PSKH2: variants seen among roughly 807,000 people sequenced by gnomAD.
PSKH2 encodes protein serine kinase H2, also known as serine/threonine-protein kinase H2.
A neutral mutation model predicts 22.5 loss-of-function variants in PSKH2; 16 were observed. The ratio of observed to expected loss-of-function variants is 0.71; its 90% CI spans 0.48 to 1.08. PSKH2 has a LOEUF of 1.08. Among genes scored for constraint, PSKH2 ranks in the 50% least tolerant of loss-of-function variants. The pLI is 0.00. For missense variants in PSKH2, 516 were observed against 492.8 expected (o/e 1.05, Z -0.44); for synonymous variants, 188 against 184.8 (o/e 1.02, Z -0.14).
chr8:86,048,401 G>T lies in PSKH2; in HGVS notation c.*61C>A. 3.2e-6 allele frequency: 4 copies of T among 1,238,368 alleles called. No homozygotes were observed. The highest frequency in any genetic ancestry group is 1.5e-5 in the African/African-American group (1 of 66,990). 76.7% of individuals were successfully genotyped at this position (1,238,368 alleles called of 1,614,324 possible). A position where few individuals can be genotyped will look rare whatever the true frequency, so the allele number is the denominator to read the frequency against. On this transcript the variant is annotated 3_prime_UTR_variant, in exon 3 of 3. Coordinates refer to ENST00000276616, the MANE Select transcript of PSKH2 (RefSeq NM_033126.3). ...AGTCCCGTGTCTTTGGAGCTTGAGG[G>T]TGCCCTAATCATGATGAAATGGTCC...
Position 86,069,484 on chromosome 8 carries a change from G to C in PSKH2, c.139C>G (p.Gln47Glu), listed in dbSNP as rs1817913014. The change falls in exon 1 of 3, where the codon CAG becomes GAG. Residue 47 changes from glutamine to glutamate, a missense_variant. By Grantham distance (29) the Gln-to-Glu change is conservative. Coordinates refer to ENST00000276616, the MANE Select transcript of PSKH2 (RefSeq NM_033126.3). ...AACTTGGCTCGGAAGCGAGCCACCTGTATCCTCTGCGCCGCCTGGGCCGCC... is the reference window on the plus strand; with the variant it reads ...AACTTGGCTCGGAAGCGAGCCACCTCTATCCTCTGCGCCGCCTGGGCCGCC... ...EAAAQAAQRI[Q>E]VARFRAKFDP... The C allele has an allele frequency of 6.2e-7, 1 of 1,608,910 alleles. No homozygotes were observed. Among genetic ancestry groups the C allele is most frequent in the Non-Finnish European group, 8.5e-7 (1 of 1,178,546 alleles).
At chr8:86,065,811 A>G (rs1817848426) in intron 1 of PSKH2, among the ~76,000 whole-genome samples, 1 of 151,992 alleles carries the variant, frequency 6.6e-6, no homozygotes, top group Non-Finnish European at 1.5e-5. Context: ...CTTCTCTATA[A>G]CAAATTTAAA....
intron 2 of PSKH2, among the ~76,000 whole-genome samples, chr8:86,050,852 C>A (rs1056070660): frequency 6.6e-6 from 1 of 152,146 alleles, no homozygotes; most frequent in East Asian, 1.9e-4. Context: ...CATACATAGA[C>A]ATCACATTCT....
chr8:86,067,894 TAA>T (rs1256482922), intron 1 of PSKH2, among the ~76,000 whole-genome samples: 7 of 152,208 alleles, frequency 4.6e-5, no homozygotes, highest in Non-Finnish European at 1.5e-5. Context: ...ACTCATTGGT[TAA>T]AGATGAGCCT....
At position 86,047,445 on chromosome 8, in the gene PSKH2, A is replaced by G. The variant is rs1250587211; in HGVS notation, c.*1017T>C. On this transcript the variant is annotated 3_prime_UTR_variant, in exon 3 of 3. Coordinates refer to ENST00000276616, the MANE Select transcript of PSKH2 (RefSeq NM_033126.3). ...AAATGAAAAAATTGAGACTGATTTT[A>G]AAGTTACAGTAAATGTCATTCTAAC... Among the ~76,000 whole-genome samples the G allele has an allele frequency of 6.6e-6, 1 of 152,178 alleles. No homozygotes were observed. The highest frequency in any genetic ancestry group is 2.4e-5 in the African/African-American group (1 of 41,474).
intron 2 of PSKH2, among the ~76,000 whole-genome samples, chr8:86,058,634 A>C (rs2130157135): frequency 1.3e-5 from 2 of 152,358 alleles, no homozygotes; most frequent in Middle Eastern, 3.4e-3. Context: ...AACCTATAGC[A>C]ACCAGATTAA....
intron 2 of PSKH2, among the ~76,000 whole-genome samples, chr8:86,049,190 G>A (rs142436779): frequency 6.6e-6 from 1 of 152,226 alleles, no homozygotes; most frequent in African/African-American, 2.4e-5. Context: ...GAGTTCCTGT[G>A]ACTTCAAGAA....
chr8:86,055,176 A>T (rs1291714670), intron 2 of PSKH2, among the ~76,000 whole-genome samples: 1 of 152,210 alleles, frequency 6.6e-6, no homozygotes, highest in Non-Finnish European at 1.5e-5. Flanking sequence ...ATATTAAGTC[A>T]GTTTCTGGAA....
At chr8:86,067,132 G>A (rs767723871) in intron 1 of PSKH2, among the ~76,000 whole-genome samples, 1 of 152,098 alleles carries the variant, frequency 6.6e-6, no homozygotes, top group African/African-American at 2.4e-5. Context: ...ATTCAATACT[G>A]TTAAGGGGGC....
chr8:86,051,777 C>T (rs575824604), intron 2 of PSKH2, among the ~76,000 whole-genome samples: 15 of 152,136 alleles, frequency 9.9e-5, no homozygotes, highest in Non-Finnish European at 2.1e-4. Context: ...TTATGGAGAG[C>T]TTATTAAGAT....
At position 86,048,859 on chromosome 8, in the gene PSKH2, T is replaced by C. The variant is rs1817570721; in HGVS notation, c.853-92A>G. 7 of 1,172,084 alleles carry C rather than the reference T, an allele frequency of 6.0e-6. No individual in the cohort carries two copies. In the South Asian group the frequency reaches 1.2e-4, roughly 21 times the overall value. 72.6% of individuals were successfully genotyped at this position (1,172,084 alleles called of 1,614,324 possible). On this transcript the variant is annotated intron_variant, in intron 2 of 2. Coordinates refer to ENST00000276616, the MANE Select transcript of PSKH2 (RefSeq NM_033126.3). ...TCCTATTCTTAATTACATAGATCAA[T>C]GCCAATCGAATCCAAAAAACTTTTT...
rs1586065538 is a variant in PSKH2 at position 86,064,381 on chromosome 8, A to C, written c.436T>G (p.Phe146Val). The C allele has an allele frequency of 6.2e-7, 1 of 1,614,168 alleles. No individual in the cohort carries two copies. The highest frequency in any genetic ancestry group is 2.2e-5 in the East Asian group (1 of 44,882). ...VMELATGGEL[F>V]DRLIAQGSFT... ...GATCCCTGAGCAATGAGTCGATCAA[A>C]GAGCTCCCCTCCGGTAGCCAGCTCC... Residue 146 changes from phenylalanine to valine, a missense_variant, in exon 2 of 3, where the codon TTT becomes GTT. Coordinates refer to ENST00000276616, the MANE Select transcript of PSKH2 (RefSeq NM_033126.3).
intron 2 of PSKH2, among the ~76,000 whole-genome samples, chr8:86,061,472 G>C (rs1396498453): frequency 4.6e-5 from 7 of 151,934 alleles, no homozygotes; most frequent in African/African-American, 1.7e-4. Flanking sequence ...ATCATGGCTG[G>C]CCTAGGACTC....
intron 2 of PSKH2, among the ~76,000 whole-genome samples, chr8:86,057,285 T>TACAC (rs71574253): frequency 0.033 from 4,286 of 129,946 alleles, 199 homozygotes; most frequent in African/African-American, 0.1. Context: ...TGCATGCATG[T>TACAC]ACACACACAC....
chr8:86,065,715 G>A (rs1817846799), intron 1 of PSKH2, among the ~76,000 whole-genome samples: 1 of 152,138 alleles, frequency 6.6e-6, no homozygotes, highest in Non-Finnish European at 1.5e-5. Flanking sequence ...GGCTCATCGT[G>A]TAATCCCAGC....
rs1432768322 is a variant in PSKH2, at chr8:86,047,251, G to A, written c.*1211C>T. Among the ~76,000 whole-genome samples the A allele has an allele frequency of 6.6e-6, 1 of 151,768 alleles. No individual in the cohort carries two copies. The highest frequency in any genetic ancestry group is 1.5e-5 in the Non-Finnish European group (1 of 67,972). ...CCCATTTTTCTATTATTTATCTAAT[G>A]AATTTGTAAGTGTCTTTCTATATTA... On this transcript the variant is annotated 3_prime_UTR_variant, in exon 3 of 3. Transcript: ENST00000276616.
intron 2 of PSKH2, among the ~76,000 whole-genome samples, chr8:86,052,400 G>T (rs1483493459): frequency 7.2e-5 from 11 of 152,138 alleles, no homozygotes; most frequent in Non-Finnish European, 1.3e-4. Flanking sequence ...TGAAGTCCTT[G>T]GATCTGGACT....
intron 1 of PSKH2, among the ~76,000 whole-genome samples, chr8:86,067,927 C>T (rs1475969162): frequency 6.6e-6 from 1 of 152,104 alleles, no homozygotes; most frequent in Non-Finnish European, 1.5e-5. Flanking sequence ...TCTCTGAAGC[C>T]CTTATAATGT....
chr8:86,064,495 C>T lies in PSKH2; in HGVS notation c.322G>A (p.Glu108Lys). The change falls in exon 2 of 3, where the codon GAG becomes AAG. Residue 108 changes from glutamate to lysine, a missense_variant. By Grantham distance (56) the Glu-to-Lys change is moderately conservative (BLOSUM62 1). Transcript: ENST00000276616. Reference sequence around the variant, plus strand: ...CTAACCCGCCGCAGGACGCTCAGCTCAGACACGCACGCTTCTCTACCTTCC... The same window carrying T: ...CTAACCCGCCGCAGGACGCTCAGCTTAGACACGCACGCTTCTCTACCTTCC... The part of the protein sequence containing the change: ...EREGREACVS[E>K]LSVLRRVSHR... 6.2e-7 allele frequency: 1 copy of T among 1,614,030 alleles called. No homozygotes were observed.
Sources: gnomAD v4.1 joint callset for allele counts (sites outside exome capture counted in the v4.1 genomes callset) on GRCh38, gnomAD v4.1.1 for gene constraint, MANE v1.5 for transcripts, NCBI Gene and HGNC (gene_info 2026-07-23, HGNC 2026-07-21) for gene names.